ARAP2: variants seen among roughly 807,000 people sequenced by gnomAD.
ARAP2 encodes ArfGAP with RhoGAP domain, ankyrin repeat and PH domain 2, also known as arf-GAP with Rho-GAP domain, ANK repeat and PH domain-containing protein 2.
In ARAP2, 148 loss-of-function variants were observed where a neutral mutation model predicts 194.5. The ratio of observed to expected loss-of-function variants is 0.76; its 90% CI spans 0.67 to 0.87. The LOEUF (loss-of-function observed/expected upper bound fraction) is 0.87, where lower values mean the gene tolerates loss of function less well. Among genes scored for constraint, ARAP2 ranks in the 40% least tolerant of loss-of-function variants. The probability of loss-of-function intolerance (pLI) is 0.00; values close to 1 mark genes in which losing one functional copy is unlikely to be tolerated. For synonymous variants in ARAP2, 695 were observed against 683.5 expected (o/e 1.02, Z -0.26); for missense variants, 2,128 against 1,989.7 (o/e 1.07, Z -1.32).
intron 7 of ARAP2, among the ~76,000 whole-genome samples, chr4:36,190,608 C>A (rs1052013274): frequency 6.6e-6 from 1 of 152,152 alleles, no homozygotes; most frequent in East Asian, 1.9e-4. Context: ...TCCTGGTTTG[C>A]CTCCCTACTT....
chr4:36,242,225 T>C (rs546573042), intron 1 of ARAP2, among the ~76,000 whole-genome samples: 1 of 152,292 alleles, frequency 6.6e-6, no homozygotes, highest in South Asian at 2.1e-4. Context: ...TCCCAGATTA[T>C]TAAGAAGTTC....
chr4:36,095,732 C>T (rs1272785410), intron 27 of ARAP2, among the ~76,000 whole-genome samples: 1 of 152,044 alleles, frequency 6.6e-6, no homozygotes, highest in East Asian at 1.9e-4. Flanking sequence ...ACAAATTTGT[C>T]AGTATATCTC....
chr4:36,110,047 G>A (rs990121216), intron 26 of ARAP2, among the ~76,000 whole-genome samples: 56 of 151,676 alleles, frequency 3.7e-4, no homozygotes, highest in African/African-American at 1.2e-3. Context: ...CACATGTAAG[G>A]AAACCTAAGG....
At chr4:36,044,908 A>G (rs564972146) in intron 5 of ARAP2, among the ~76,000 whole-genome samples, 86 of 152,308 alleles carry the variant, frequency 5.6e-4, no homozygotes, top group Non-Finnish European at 1.0e-3. Flanking sequence ...ACATTTCTCA[A>G]AAGAAGATAT....
intron 6 of ARAP2, among the ~76,000 whole-genome samples, chr4:36,018,655 G>A (rs1393019699): frequency 6.6e-6 from 1 of 152,006 alleles, no homozygotes; most frequent in East Asian, 1.9e-4. Context: ...TTCTCCCATC[G>A]TCAACTTTTC....
chr4:36,098,563 AAATG>A (rs1161450607), intron 27 of ARAP2, among the ~76,000 whole-genome samples: 1 of 152,140 alleles, frequency 6.6e-6, no homozygotes, highest in Non-Finnish European at 1.5e-5. Context: ...AACATGAAAT[AAATG>A]GACAACTCCT....
At chr4:36,007,949 A>T (rs974752791) in intron 9 of ARAP2, among the ~76,000 whole-genome samples, 85 of 152,102 alleles carry the variant, frequency 5.6e-4, no homozygotes, top group African/African-American at 2.0e-3. Flanking sequence ...CATAATTGCC[A>T]CAGAGAGAAT....
At chr4:36,141,384 A>G (rs1416069944) in intron 19 of ARAP2, among the ~76,000 whole-genome samples, 1 of 151,702 alleles carries the variant, frequency 6.6e-6, no homozygotes, top group Non-Finnish European at 1.5e-5. Context: ...TATACAAGGA[A>G]TACACATTAA....
In ARAP2 at chr4:36,147,308, A is replaced by T; in HGVS notation, c.3251T>A (p.Val1084Glu). The change falls in exon 19 of 33, where the codon GTA (valine) becomes GAA (glutamate). Residue 1084 changes from valine to glutamate, a missense_variant. By Grantham distance (121) the Val-to-Glu change is moderately radical. Transcript: ENST00000303965. ...NGEKLDVLLL[V>E]EKGRTLYIHG... ...AAAAGGCACTTACCTCCCTTTTTCT[A>T]CCAAGAGTAAAACATCCAGTTTTTC... 6.2e-7 allele frequency: 1 copy of T among 1,612,968 alleles called. No homozygotes were observed.
At chr4:36,125,830 A>G (rs1394644830) in intron 21 of ARAP2, among the ~76,000 whole-genome samples, 1 of 152,016 alleles carries the variant, frequency 6.6e-6, no homozygotes, top group African/African-American at 2.4e-5. Flanking sequence ...ACTCAAGGAG[A>G]CCACACTTAT....
At chr4:36,185,148 GTTATCTAACAA>G (rs1740228715) in intron 8 of ARAP2, among the ~76,000 whole-genome samples, 1 of 152,192 alleles carries the variant, frequency 6.6e-6, no homozygotes. Context: ...GACAATGGTT[GTTATCTAACAA>G]GACTTTATTT....
intron 26 of ARAP2, among the ~76,000 whole-genome samples, chr4:36,108,811 C>T (rs955712794): frequency 6.6e-6 from 1 of 151,892 alleles, no homozygotes; most frequent in African/African-American, 2.4e-5. Context: ...AACTTTTTCT[C>T]AGTGCACTGA....
Position 36,068,116 on chromosome 4 carries a change from G to T in ARAP2, c.4906C>A (p.Leu1636Met). 6.2e-7 allele frequency: 1 copy of T among 1,614,088 alleles called. No individual in the cohort carries two copies. Among genetic ancestry groups the T allele is most frequent in the Non-Finnish European group, 8.5e-7 (1 of 1,179,986 alleles). The change falls in exon 33 of 33, where the codon CTG (leucine) becomes ATG (methionine). Residue 1636 changes from leucine (L) to methionine (M), a missense_variant. Physicochemically the swap from Leu to Met is conservative, Grantham distance 15. Transcript: ENST00000303965. ...RPRKHRSFNCLEDTEPEAPLG... is the reference protein window; with the variant it reads ...RPRKHRSFNCMEDTEPEAPLG... ...GGGGCTTCAGGCTCTGTGTCCTCCA[G>T]GCAGTTGAAACTCCGATGTTTTCGG...
At chr4:36,172,019 G>GA (rs1264222363) in intron 9 of ARAP2, among the ~76,000 whole-genome samples, 1 of 152,068 alleles carries the variant, frequency 6.6e-6, no homozygotes, top group South Asian at 2.1e-4. Flanking sequence ...AAACTGGATT[G>GA]AAAAAAACAG....
downstream of ARAP2, among the ~76,000 whole-genome samples, chr4:36,063,168 TAAAGGA>T (rs896071760): frequency 3.3e-4 from 50 of 152,240 alleles, no homozygotes; most frequent in African/African-American, 1.2e-3. Context: ...ACTCTGTGAT[TAAAGGA>T]AAAGTATGTA....
chr4:36,139,300 T>C (rs560371068), intron 19 of ARAP2, among the ~76,000 whole-genome samples: 18 of 151,762 alleles, frequency 1.2e-4, no homozygotes, highest in African/African-American at 4.3e-4. Flanking sequence ...ATGTGTTAAA[T>C]TCATTGGTAT....
chr4:36,240,785 G>A (rs899173447), intron 1 of ARAP2, among the ~76,000 whole-genome samples: 1 of 152,132 alleles, frequency 6.6e-6, no homozygotes, highest in Non-Finnish European at 1.5e-5. Context: ...TCTAAGCTAT[G>A]TTTTGATTAT....
intron 1 of ARAP2, among the ~76,000 whole-genome samples, chr4:36,233,982 C>G (rs895995741): frequency 2.6e-5 from 4 of 152,220 alleles, no homozygotes; most frequent in Non-Finnish European, 4.4e-5. Context: ...TGCTCTTGGA[C>G]TTACAATGAA....
At position 36,159,338 on chromosome 4, in the gene ARAP2, T is replaced by C. The variant is rs751665892; in HGVS notation, c.2610A>G (p.Lys870=). Residue 870 remains lysine, a synonymous_variant, in exon 14 of 33, where the codon AAA becomes AAG. Transcript: ENST00000303965. Reference sequence around the variant, plus strand: ...GAAGAGACAGTGACGAACCTGAGAATTTGTTATGGTAGAGAAATTCCATTT... The same window carrying C: ...GAAGAGACAGTGACGAACCTGAGAACTTGTTATGGTAGAGAAATTCCATTT... ...SLQMEFLYHN[K]FSDFPQHDIH... is the part of the protein sequence containing the mutation. The C allele has an allele frequency of 1.9e-6, 3 of 1,597,502 alleles. No individual in the cohort carries two copies. In the African/African-American group the frequency reaches 4.0e-5, roughly 22 times the overall value.
Sources: gnomAD v4.1 joint callset for allele counts (sites outside exome capture counted in the v4.1 genomes callset) on GRCh38, gnomAD v4.1.1 for gene constraint, MANE v1.5 for transcripts, NCBI Gene and HGNC (gene_info 2026-07-23, HGNC 2026-07-21) for gene names.